The following STK33 variants were observed in gnomAD, a reference collection of about 807,000 sequenced individuals.
STK33 encodes the protein serine/threonine-protein kinase 33.
STK33 carries 52 observed loss-of-function variants against 58.0 expected under a neutral mutation model. That is an observed-to-expected ratio of 0.90 (90% CI 0.72 to 1.13). The LOEUF is 1.13. STK33 is among the 50% of genes most tolerant of loss of function. STK33 has a pLI of 0.00. For synonymous variants in STK33, 215 were observed against 200.1 expected (o/e 1.07, Z -0.63); for missense variants, 630 against 604.2 (o/e 1.04, Z -0.45).
chr11:8,372,629 C>T, the STK33 span, among the ~76,000 whole-genome samples: 2 of 152,364 alleles, frequency 1.3e-5, no homozygotes, highest in East Asian at 1.9e-4. Context: ...ACCGCATAGG[C>T]GGGTTGAAGG....
intron 14 of STK33, among the ~76,000 whole-genome samples, chr11:8,433,030 T>C (rs1023813667): frequency 6.6e-6 from 1 of 152,226 alleles, no homozygotes; most frequent in Non-Finnish European, 1.5e-5. Context: ...TGTGTGATGC[T>C]GAAAAGAGAT....
At chr11:8,417,686 C>T (rs2135771182) in intron 14 of STK33, among the ~76,000 whole-genome samples, 1 of 152,174 alleles carries the variant, frequency 6.6e-6, no homozygotes, top group Non-Finnish European at 1.5e-5. Flanking sequence ...AAAAATGGAA[C>T]ACTTTATTTA....
At chr11:8,363,834 T>G in the STK33 span, among the ~76,000 whole-genome samples, 1 of 152,232 alleles carries the variant, frequency 6.6e-6, no homozygotes, top group Non-Finnish European at 1.5e-5. Flanking sequence ...ACTCATTTAG[T>G]ATTAGTTTTA....
the STK33 span, among the ~76,000 whole-genome samples, chr11:8,343,809 C>T: frequency 1.3e-5 from 2 of 152,156 alleles, no homozygotes; most frequent in Non-Finnish European, 2.9e-5. Context: ...CCCTCGAGGG[C>T]AGTGCCCCAG....
chr11:8,591,776 A>G (rs1011092806), intron 1 of STK33, among the ~76,000 whole-genome samples: 2 of 144,056 alleles, frequency 1.4e-5, no homozygotes, highest in Non-Finnish European at 3.1e-5. Flanking sequence ...ATAGGTGGGA[A>G]TTGAAGAATG....
rs775898873 is a variant in STK33 at position 8,436,692 on chromosome 11, G to A, written c.948-553C>T. The stretch of plus-strand genomic sequence containing the variant: ...ACAAAAATAAACCAAGACTAACCCC[G>A]GGAATTTCTTCTTTTTATTTTTTGA... On this transcript the variant is annotated intron_variant, in intron 12 of 15. Transcript: ENST00000687296. Among the ~76,000 whole-genome samples, 16 of 152,094 alleles carry A rather than the reference G, an allele frequency of 1.1e-4. 1 individual carries two copies. The South Asian group carries it at 2.1e-3, about 20-fold the overall frequency.
At chr11:8,546,719 A>T (rs1054462399) in intron 1 of STK33, among the ~76,000 whole-genome samples, 2 of 152,050 alleles carry the variant, frequency 1.3e-5, no homozygotes, top group South Asian at 4.1e-4. Flanking sequence ...CTTATTTAAG[A>T]TAATGACCTC....
At chr11:8,453,036 T>A in intron 10 of STK33, 130 bp from the exon 11 acceptor site, 1 of 779,410 alleles carries the variant, frequency 1.3e-6, no homozygotes, top group Non-Finnish European at 2.1e-6. Flanking sequence ...TTTAATTGAA[T>A]CATTAATAAA....
At chr11:8,492,978 G>T (rs1235997430) in intron 1 of STK33, among the ~76,000 whole-genome samples, 1 of 152,106 alleles carries the variant, frequency 6.6e-6, no homozygotes, top group African/African-American at 2.4e-5. Flanking sequence ...AGCACTAAAT[G>T]CCCACAAGAG....
intron 1 of STK33, among the ~76,000 whole-genome samples, chr11:8,542,837 G>A (rs1216601171): frequency 6.6e-6 from 1 of 152,126 alleles, no homozygotes; most frequent in Non-Finnish European, 1.5e-5. Context: ...AGTCTCCTGA[G>A]TAGCTGAGAC....
the STK33 span, among the ~76,000 whole-genome samples, chr11:8,366,194 C>T: frequency 6.6e-6 from 1 of 152,208 alleles, no homozygotes; most frequent in Non-Finnish European, 1.5e-5. Context: ...GGAGTGGGCC[C>T]ATCAGGGGAG....
At chr11:8,453,284 A>C (rs1946496121) in intron 10 of STK33, among the ~76,000 whole-genome samples, 1 of 152,236 alleles carries the variant, frequency 6.6e-6, no homozygotes, top group Non-Finnish European at 1.5e-5. Flanking sequence ...TGGCTTTAAC[A>C]TATTATCTAT....
chr11:8,375,085 C>T, the STK33 span, among the ~76,000 whole-genome samples: 1 of 152,242 alleles, frequency 6.6e-6, no homozygotes, highest in African/African-American at 2.4e-5. Flanking sequence ...TCTGGCAGCA[C>T]TAATGCTCCC....
At chr11:8,589,522 G>C (rs1196488321) in intron 1 of STK33, among the ~76,000 whole-genome samples, 1 of 152,178 alleles carries the variant, frequency 6.6e-6, no homozygotes, top group Non-Finnish European at 1.5e-5. Flanking sequence ...AGGCATGACT[G>C]CTATTGGATG....
At chr11:8,565,223 TGGAGG>T (rs934758801) in intron 1 of STK33, among the ~76,000 whole-genome samples, 2 of 152,148 alleles carry the variant, frequency 1.3e-5, no homozygotes, top group Non-Finnish European at 2.9e-5. Context: ...CAGCGCTACA[TGGAGG>T]ATATAGGTTT....
At chr11:8,495,249 GA>G (rs1182633223) in intron 1 of STK33, among the ~76,000 whole-genome samples, 1 of 150,970 alleles carries the variant, frequency 6.6e-6, no homozygotes, top group Non-Finnish European at 1.5e-5. Context: ...AAATTTACAA[GA>G]AAAAAAACAA....
chr11:8,415,627 T>G (rs1228683060), intron 14 of STK33, among the ~76,000 whole-genome samples: 1 of 152,090 alleles, frequency 6.6e-6, no homozygotes, highest in African/African-American at 2.4e-5. Flanking sequence ...TTGGGTGTCA[T>G]TTGTCATCAC....
the STK33 span, among the ~76,000 whole-genome samples, chr11:8,355,169 C>G: frequency 2.6e-5 from 4 of 152,168 alleles, no homozygotes; most frequent in African/African-American, 4.8e-5. Context: ...ATGCTGCCCT[C>G]ACCAGGCAGT....
At chr11:8,386,288 A>G in the STK33 span, among the ~76,000 whole-genome samples, 1 of 152,192 alleles carries the variant, frequency 6.6e-6, no homozygotes, top group Non-Finnish European at 1.5e-5. Flanking sequence ...GGACTGCTAT[A>G]AAAAAGTTGG....
Sources: gnomAD v4.1 joint callset for allele counts (sites outside exome capture counted in the v4.1 genomes callset) on GRCh38, gnomAD v4.1.1 for gene constraint, MANE v1.5 for transcripts, NCBI Gene and HGNC (gene_info 2026-07-23, HGNC 2026-07-21) for gene names.